ANKRD30B: variants seen among roughly 807,000 people sequenced by gnomAD.
ANKRD30B encodes ankyrin repeat domain-containing protein 30B.
Under a neutral mutation model 202.2 loss-of-function variants are expected in ANKRD30B, and 144 were observed. That is an observed-to-expected ratio of 0.71 (90% CI 0.62 to 0.82). ANKRD30B has a LOEUF of 0.82. ANKRD30B is among the 40% of genes least tolerant of loss of function. The pLI is 0.00. For missense variants in ANKRD30B, 1,487 were observed against 1,669.1 expected (o/e 0.89, Z 1.90); for synonymous variants, 508 against 561.3 (o/e 0.91, Z 1.34).
chr18:14,782,488 T>A, intron 11 of ANKRD30B, 39 bp from the exon 12 acceptor site: 1 of 1,401,646 alleles, frequency 7.1e-7, no homozygotes, highest in Non-Finnish European at 9.7e-7. Flanking sequence ...TTCTTATGAT[T>A]TTAAAATTGA....
chr18:14,825,803 A>G (rs2143029062), intron 32 of ANKRD30B, among the ~76,000 whole-genome samples: 1 of 152,348 alleles, frequency 6.6e-6, no homozygotes, highest in African/African-American at 2.4e-5. Context: ...TTCCAGTGGC[A>G]ATGGAAAGAT....
At chr18:14,819,631 A>G (rs1399391129) in intron 30 of ANKRD30B, among the ~76,000 whole-genome samples, 1 of 151,888 alleles carries the variant, frequency 6.6e-6, no homozygotes, top group African/African-American at 2.4e-5. Flanking sequence ...TCCTTTCCCC[A>G]TTGCTTGTTT....
At chr18:14,824,882 T>C (rs1463319843) in intron 32 of ANKRD30B, among the ~76,000 whole-genome samples, 1 of 152,182 alleles carries the variant, frequency 6.6e-6, no homozygotes, top group Non-Finnish European at 1.5e-5. Flanking sequence ...AAGAAATAGG[T>C]GTGATTGTAC....
At chr18:14,821,761 A>G (rs1161277942) in intron 30 of ANKRD30B, among the ~76,000 whole-genome samples, 2 of 152,212 alleles carry the variant, frequency 1.3e-5, no homozygotes, top group South Asian at 2.1e-4. Context: ...CCTGGACTGT[A>G]TTAGTTTGTT....
chr18:14,881,146 G>C, the ANKRD30B span, among the ~76,000 whole-genome samples: 12 of 152,042 alleles, frequency 7.9e-5, no homozygotes. Context: ...GTGAGAGTAG[G>C]TTCCTCATCT....
rs1450277859 is a variant in ANKRD30B at position 14,799,303 on chromosome 18, T to C, written c.2131+8T>C. On this transcript the variant is annotated splice_region_variant and intron_variant, in intron 22 of 43. Coordinates refer to ENST00000690538, the MANE Select transcript of ANKRD30B (RefSeq NM_001367607.2). ...GAGAAACATTCAAAGCAGGTAAATT[T>C]TGCAATTTTAATTTTACTCTGGAAT... 2 of 1,519,914 alleles carry C rather than the reference T, an allele frequency of 1.3e-6. No individual in the cohort carries two copies. Among genetic ancestry groups the C allele is most frequent in the Non-Finnish European group, 1.8e-6 (2 of 1,138,438 alleles). 94.2% of individuals were successfully genotyped at this position (1,519,914 alleles called of 1,614,324 possible). A position where few individuals can be genotyped will look rare whatever the true frequency, so the allele number is the denominator to read the frequency against.
At chr18:14,912,884 A>G in the ANKRD30B span, among the ~76,000 whole-genome samples, 6 of 152,240 alleles carry the variant, frequency 3.9e-5, no homozygotes, top group Non-Finnish European at 8.8e-5. Context: ...AGCTTGTGTG[A>G]TGCATGAAAG....
intron 1 of ANKRD30B, among the ~76,000 whole-genome samples, chr18:14,751,321 C>A (rs1363791034): frequency 6.6e-6 from 1 of 151,952 alleles, no homozygotes; most frequent in Non-Finnish European, 1.5e-5. Flanking sequence ...TTCTTTTAAT[C>A]CATTTATCAC....
At chr18:14,866,541 C>T in the ANKRD30B span, among the ~76,000 whole-genome samples, 10 of 152,234 alleles carry the variant, frequency 6.6e-5, no homozygotes, top group South Asian at 8.3e-4. Flanking sequence ...CCGTGCCCAA[C>T]GCTGGCAGCT....
At chr18:14,909,071 T>G in the ANKRD30B span, among the ~76,000 whole-genome samples, 4 of 152,166 alleles carry the variant, frequency 2.6e-5, no homozygotes, top group Admixed American at 6.5e-5. Flanking sequence ...GGGACTTGAC[T>G]GACAAAGTCT....
chr18:14,833,392 G>GC (rs1239377727), intron 34 of ANKRD30B, among the ~76,000 whole-genome samples: 1 of 152,138 alleles, frequency 6.6e-6, no homozygotes, highest in African/African-American at 2.4e-5. Context: ...GGAACTACAG[G>GC]CATCCGCCAC....
At chr18:14,777,918 G>GA in intron 9 of ANKRD30B, 67 bp from the exon 10 acceptor site, 1 of 1,151,062 alleles carries the variant, frequency 8.7e-7, no homozygotes, top group Non-Finnish European at 1.3e-6. Flanking sequence ...GCCACCCTGT[G>GA]AGACTTCATC....
chr18:14,752,474 A>G (rs1913602884), intron 1 of ANKRD30B, 92 bp from the exon 2 acceptor site: 1 of 866,560 alleles, frequency 1.2e-6, no homozygotes, highest in Admixed American at 3.0e-5. Context: ...GTAGAGAAAG[A>G]GCATGGTATT....
In ANKRD30B at chr18:14,850,551, C is replaced by T. The variant is rs377518926; in HGVS notation, c.3564+169C>T. Among the ~76,000 whole-genome samples, 6 of 151,712 alleles carry T rather than the reference C, an allele frequency of 4.0e-5. 1 individual carries two copies. The East Asian group carries it at 7.7e-4, about 19-fold the overall frequency. On this transcript the variant is annotated intron_variant, in intron 41 of 43. Transcript: ENST00000690538. The stretch of plus-strand genomic sequence containing the variant: ...TACAGGTATTTATTATAAATTATGG[C>T]ATGCAAATAGTATCTTATTTCAGTA...
At chr18:14,908,159 G>A in the ANKRD30B span, among the ~76,000 whole-genome samples, 1 of 152,290 alleles carries the variant, frequency 6.6e-6, no homozygotes, top group African/African-American at 2.4e-5. Context: ...TAGCAGAGGT[G>A]TTTTGGTTGT....
At chr18:14,845,330 A>G (rs1971588102) in intron 39 of ANKRD30B, among the ~76,000 whole-genome samples, 1 of 152,298 alleles carries the variant, frequency 6.6e-6, no homozygotes, top group Admixed American at 6.5e-5. Context: ...TTTTCCCAAC[A>G]TCATTTATTA....
At chr18:14,895,327 T>G in the ANKRD30B span, among the ~76,000 whole-genome samples, 1 of 151,982 alleles carries the variant, frequency 6.6e-6, no homozygotes, top group African/African-American at 2.4e-5. Flanking sequence ...AAAACAACAA[T>G]GAGATACCTC....
At chr18:14,867,314 G>A in the ANKRD30B span, among the ~76,000 whole-genome samples, 1 of 142,964 alleles carries the variant, frequency 7.0e-6, no homozygotes, top group Non-Finnish European at 1.5e-5. Context: ...TTGTGGGGAG[G>A]GGGGGCAGGT....
At chr18:14,894,436 C>G in the ANKRD30B span, among the ~76,000 whole-genome samples, 2 of 152,068 alleles carry the variant, frequency 1.3e-5, no homozygotes, top group African/African-American at 4.8e-5. Flanking sequence ...CCACCAATCT[C>G]AGCATCATTA....
Sources: gnomAD v4.1 joint callset for allele counts (sites outside exome capture counted in the v4.1 genomes callset) on GRCh38, gnomAD v4.1.1 for gene constraint, MANE v1.5 for transcripts, NCBI Gene and HGNC (gene_info 2026-07-23, HGNC 2026-07-21) for gene names.